PCDH15: variants seen among roughly 807,000 people sequenced by gnomAD.
PCDH15 encodes the protein protocadherin related 15.
Under a neutral mutation model 178.5 loss-of-function variants are expected in PCDH15, and 129 were observed. The ratio of observed to expected loss-of-function variants is 0.72; its 90% CI spans 0.63 to 0.84. PCDH15 has a LOEUF of 0.84. PCDH15 is among the 40% of genes least tolerant of loss of function. PCDH15 has a pLI of 0.00. For missense variants in PCDH15, 2,230 were observed against 2,099.9 expected (o/e 1.06, Z -1.21); for synonymous variants, 800 against 732.0 (o/e 1.09, Z -1.50).
At chr10:54,453,800 C>T (rs2076636283) in intron 3 of PCDH15, among the ~76,000 whole-genome samples, 1 of 151,922 alleles carries the variant, frequency 6.6e-6, no homozygotes, top group African/African-American at 2.4e-5. Flanking sequence ...TGAGAGCCCT[C>T]AGAATACTGG....
intron 23 of PCDH15, among the ~76,000 whole-genome samples, chr10:53,957,742 CT>C (rs2087773513): frequency 6.6e-6 from 1 of 151,918 alleles, no homozygotes; most frequent in Non-Finnish European, 1.5e-5. Flanking sequence ...AAAAATGATA[CT>C]GTGGATAAGG....
rs770404490 is a variant in PCDH15 at position 54,355,120 on chromosome 10, C to CAAAAAA, written c.475-8642_475-8637dup. Among the ~76,000 whole-genome samples the CAAAAAA allele has an allele frequency of 2.4e-3, 165 of 69,826 alleles. 5 individuals are homozygous for CAAAAAA. The highest frequency in any genetic ancestry group is 8.7e-3 in the African/African-American group (158 of 18,112). 45.8% of individuals were successfully genotyped at this position (69,826 alleles called of 152,430 possible). On this transcript the variant is annotated intron_variant, in intron 5 of 37. Transcript: ENST00000644397. ...GCGTATTTCCAAAACAGGAGGATTG[C>CAAAAAA]AAAAAAAAAAAAAAAAAAAAAAAAA...
At chr10:54,293,681 A>G (rs966559067) in intron 8 of PCDH15, among the ~76,000 whole-genome samples, 11 of 152,362 alleles carry the variant, frequency 7.2e-5, no homozygotes, top group African/African-American at 2.6e-4. Flanking sequence ...TCTTCTCAAA[A>G]GAAGACATTT....
intron 2 of PCDH15, among the ~76,000 whole-genome samples, chr10:55,371,592 G>C (rs181142328): frequency 4.3e-4 from 65 of 152,068 alleles, no homozygotes; most frequent in African/African-American, 1.6e-3. Context: ...AAAGTGTGTA[G>C]CACTTCCCCC....
At chr10:54,624,630 G>A (rs1416831764) in intron 2 of PCDH15, among the ~76,000 whole-genome samples, 4 of 152,184 alleles carry the variant, frequency 2.6e-5, no homozygotes, top group Non-Finnish European at 4.4e-5. Context: ...TTAGGAACTG[G>A]GCTGCATAGC....
intron 2 of PCDH15, among the ~76,000 whole-genome samples, chr10:55,522,503 T>G (rs1229411533): frequency 2.6e-5 from 4 of 151,780 alleles, no homozygotes; most frequent in Non-Finnish European, 4.4e-5. Flanking sequence ...GCTCCAATGT[T>G]GAGGGCGTAT....
chr10:54,146,945 A>G (rs2044006498), intron 14 of PCDH15, among the ~76,000 whole-genome samples: 2 of 142,628 alleles, frequency 1.4e-5, no homozygotes, highest in Admixed American at 7.0e-5. Flanking sequence ...ATGTATATAT[A>G]TAGTGTATAT....
intron 3 of PCDH15, among the ~76,000 whole-genome samples, chr10:54,463,073 C>A (rs1433865226): frequency 2.6e-5 from 4 of 152,070 alleles, no homozygotes; most frequent in Non-Finnish European, 5.9e-5. Flanking sequence ...TCAGTCTGTT[C>A]ATATCAGTAC....
At chr10:54,110,533 T>C (rs2132696301) in intron 15 of PCDH15, among the ~76,000 whole-genome samples, 1 of 152,264 alleles carries the variant, frequency 6.6e-6, no homozygotes, top group South Asian at 2.1e-4. Flanking sequence ...AGTGGTTAAA[T>C]TAGGACAACT....
chr10:55,523,469 C>G (rs1191879411), intron 2 of PCDH15, among the ~76,000 whole-genome samples: 1 of 151,512 alleles, frequency 6.6e-6, no homozygotes, highest in Non-Finnish European at 1.5e-5. Context: ...TAAATTAACA[C>G]GTCCATCACC....
intron 26 of PCDH15, among the ~76,000 whole-genome samples, chr10:53,883,151 A>G (rs555672742): frequency 1.6e-5 from 2 of 123,432 alleles, no homozygotes; most frequent in African/African-American, 6.6e-5. Flanking sequence ...ATACACACAC[A>G]TATATACACA....
At chr10:55,483,815 CAAAAA>C (rs71014494) in intron 2 of PCDH15, among the ~76,000 whole-genome samples, 1 of 111,222 alleles carries the variant, frequency 9.0e-6, no homozygotes. Flanking sequence ...GACTCCATCT[CAAAAA>C]AAAAAAAAAA....
At chr10:54,727,187 A>C (rs115889480) in intron 1 of PCDH15, among the ~76,000 whole-genome samples, 18,356 of 151,148 alleles carry the variant, frequency 0.12, 1,231 homozygotes, top group African/African-American at 0.17. Flanking sequence ...CAACCAGATG[A>C]TTTTCCATGA....
At chr10:55,176,349 C>G (rs558942493) in intron 1 of PCDH15, among the ~76,000 whole-genome samples, 1 of 152,226 alleles carries the variant, frequency 6.6e-6, no homozygotes, top group South Asian at 2.1e-4. Flanking sequence ...CCTATGGGAA[C>G]CACCATCCTT....
At chr10:53,970,499 G>A (rs2089560057) in intron 21 of PCDH15, among the ~76,000 whole-genome samples, 2 of 131,820 alleles carry the variant, frequency 1.5e-5, no homozygotes, top group South Asian at 2.3e-4. Context: ...GAATCCAGGA[G>A]CTGTTTTTTT....
At chr10:54,268,494 A>C (rs534129627) in intron 8 of PCDH15, among the ~76,000 whole-genome samples, 1 of 152,072 alleles carries the variant, frequency 6.6e-6, no homozygotes, top group African/African-American at 2.4e-5. Flanking sequence ...GAAATAGCAA[A>C]GGCATGGAAT....
chr10:54,945,351 T>TAGATAGATAGATA (rs36018565), intron 2 of PCDH15, among the ~76,000 whole-genome samples: 1 of 138,014 alleles, frequency 7.2e-6, no homozygotes, highest in Admixed American at 7.3e-5. Flanking sequence ...GATAGATAGA[T>TAGATAGATAGATA]GATAGATAGA....
chr10:55,511,056 T>C (rs904748162), intron 2 of PCDH15, among the ~76,000 whole-genome samples: 1 of 151,162 alleles, frequency 6.6e-6, no homozygotes, highest in South Asian at 2.1e-4. Flanking sequence ...TGTTTGTTTT[T>C]TTTTTTAGAG....
rs142118882 is a variant in PCDH15 at position 54,352,285 on chromosome 10, G to T, written c.475-5801C>A. Among the ~76,000 whole-genome samples the T allele has an allele frequency of 3.2e-3, 483 of 152,224 alleles. 2 individuals carry two copies. The highest frequency in any genetic ancestry group is 6.8e-3 in the Middle Eastern group (2 of 294). ...AAACCATATGAGAGTCCTAAGAAGA[G>T]AAAACATATATTTTTATGTAATAGA... On this transcript the variant is annotated intron_variant, in intron 5 of 37. Coordinates refer to ENST00000644397, the MANE Select transcript of PCDH15 (RefSeq NM_001384140.1).
Sources: gnomAD v4.1 joint callset for allele counts (sites outside exome capture counted in the v4.1 genomes callset) on GRCh38, gnomAD v4.1.1 for gene constraint, MANE v1.5 for transcripts, NCBI Gene and HGNC (gene_info 2026-07-23, HGNC 2026-07-21) for gene names.